Variants in SYAP1 observed in about 807,000 individuals in gnomAD.
SYAP1 encodes synapse-associated protein 1.
SYAP1 carries 3 observed loss-of-function variants against 29.6 expected under a neutral mutation model. The observed-to-expected ratio is 0.10, with a 90% CI of 0.05 to 0.26. The LOEUF (loss-of-function observed/expected upper bound fraction) is 0.26. Among genes scored for constraint, SYAP1 ranks in the 10% least tolerant of loss-of-function variants. SYAP1 has a pLI of 1.00. For synonymous variants in SYAP1, 102 were observed against 102.7 expected (o/e 0.99, Z 0.04); for missense variants, 217 against 264.1 (o/e 0.82, Z 1.24).
intron 3 of SYAP1, among the ~76,000 whole-genome samples, chrX:16,737,846 G>A (rs771643368): frequency 1.8e-5 from 2 of 112,187 alleles, no homozygotes; most frequent in African/African-American, 3.2e-5. Context: ...CAGAAAGTTC[G>A]TTTGCTCAGT....
chrX:16,745,528 C>G (rs1411874933), intron 5 of SYAP1, among the ~76,000 whole-genome samples: 1 of 110,228 alleles, frequency 9.1e-6, no homozygotes, highest in Non-Finnish European at 1.9e-5. Flanking sequence ...TTGTCTGAGA[C>G]CAGCCTGGGC....
In SYAP1 at chrX:16,763,866, A is replaced by T. The variant is rs1259651313; in HGVS notation, c.*3507A>T. 1.1e-5 allele frequency: 1 copy of T among 94,880 alleles called. No homozygotes were observed. The highest frequency in any genetic ancestry group is 2.0e-5 in the Non-Finnish European group (1 of 49,455). 7.8% of individuals were successfully genotyped at this position (94,880 alleles called of 1,213,427 possible). A position where few individuals can be genotyped will look rare whatever the true frequency, so the allele number is the denominator to read the frequency against. ...TTGCAGTATTTTATTTGCCTCTTTG[A>T]CGGCTTTTTTTTTTTTTTTTTTTTT... On this transcript the variant is annotated 3_prime_UTR_variant, in exon 9 of 9. Coordinates refer to ENST00000380155, the MANE Select transcript of SYAP1 (RefSeq NM_032796.4).
In SYAP1 at chrX:16,757,287, A is replaced by G; in HGVS notation, c.909A>G (p.Gln303=). 1 of 1,210,516 alleles carries G rather than the reference A, an allele frequency of 8.3e-7. No individual in the cohort carries two copies. The highest frequency in any genetic ancestry group is 1.7e-5 in the African/African-American group (1 of 57,758). ...AGCAACTAGTGCTTGACAAAAAGCA[A>G]GAGGAGACAGCCGTACTGGAAGGTA... The part of the protein sequence containing the change: ...EMEQLVLDKK[Q]EETAVLEEDS... Residue 303 remains glutamine (Q), a synonymous_variant, in exon 8 of 9, where the codon CAA becomes CAG. Coordinates refer to ENST00000380155, the MANE Select transcript of SYAP1 (RefSeq NM_032796.4).
chrX:16,743,983 G>T, intron 5 of SYAP1, 143 bp downstream of exon 5: 2 of 633,022 alleles, frequency 3.2e-6, no homozygotes, highest in Admixed American at 6.6e-5. Context: ...CCTGGTCAGG[G>T]CACTCTGGAA....
chrX:16,731,008 T>C (rs1239987830), intron 1 of SYAP1, among the ~76,000 whole-genome samples: 1 of 112,433 alleles, frequency 8.9e-6, no homozygotes, highest in Non-Finnish European at 1.9e-5. Flanking sequence ...TGCTTACATT[T>C]TGAAGATATT....
In SYAP1 at chrX:16,764,329, T is replaced by A. The variant is rs952724117; in HGVS notation, c.*3970T>A. ...TTAGGAAAATTAGGCACATTTAATT[T>A]TAGCAAATTTAGTTTTTCAACTTTT... On this transcript the variant is annotated 3_prime_UTR_variant, in exon 9 of 9. Coordinates refer to ENST00000380155, the MANE Select transcript of SYAP1 (RefSeq NM_032796.4). 13 of 110,331 alleles carry A rather than the reference T, an allele frequency of 1.2e-4. No homozygotes were observed. The highest frequency in any genetic ancestry group is 1.1e-3 in the Admixed American group (11 of 10,158). The allele number at this position is 110,331 out of a possible 1,213,427, so 9.1% of individuals were successfully genotyped here. A position where few individuals can be genotyped will look rare whatever the true frequency, so the allele number is the denominator to read the frequency against.
At chrX:16,738,104 A>G (rs1481053247) in intron 3 of SYAP1, among the ~76,000 whole-genome samples, 1 of 111,547 alleles carries the variant, frequency 9.0e-6, no homozygotes, top group Non-Finnish European at 1.9e-5. Flanking sequence ...CATTTTATAT[A>G]TAACATCTCA....
chrX:16,751,852 T>A, intron 5 of SYAP1, among the ~76,000 whole-genome samples: 1 of 107,218 alleles, frequency 9.3e-6, no homozygotes, highest in Non-Finnish European at 1.9e-5. Flanking sequence ...ATTTTTGTAT[T>A]TTTCATAGAG....
chrX:16,747,239 C>T (rs1464869347), intron 5 of SYAP1, among the ~76,000 whole-genome samples: 3 of 111,855 alleles, frequency 2.7e-5, no homozygotes, highest in Admixed American at 1.9e-4. Context: ...GAGAGCCACC[C>T]ACGCTCCTGG....
At chrX:16,738,450 A>G in intron 3 of SYAP1, among the ~76,000 whole-genome samples, 1 of 111,477 alleles carries the variant, frequency 9.0e-6, no homozygotes, top group Non-Finnish European at 1.9e-5. Context: ...CAGCAAGGGT[A>G]AGTAATTTGC....
At position 16,743,468 on chromosome X, in the gene SYAP1, T is replaced by A. The variant is rs912842098; in HGVS notation, c.436-233T>A. 2.7e-5 allele frequency among the ~76,000 whole-genome samples: 3 copies of A among 109,330 alleles called. No individual in the cohort carries two copies. In the Admixed American group the frequency reaches 3.0e-4, roughly 11 times the overall value. The allele number at this position is 109,330 out of a possible 115,157, so 94.9% of individuals were successfully genotyped here. ...GGCCAAGATAGTGAAACCCCATCTC[T>A]ACTAAAAATACAAAAATTAGCCAGG... On this transcript the variant is annotated intron_variant, in intron 4 of 8. Transcript: ENST00000380155.
chrX:16,760,418 A>C lies in SYAP1; in HGVS notation c.*59A>C. The C allele has an allele frequency of 9.9e-7, 1 of 1,006,014 alleles. No individual in the cohort carries two copies. The highest frequency in any genetic ancestry group is 2.9e-5 in the South Asian group (1 of 34,354). The allele number at this position is 1,006,014 out of a possible 1,213,427, so 82.9% of individuals were successfully genotyped here. A position where few individuals can be genotyped will look rare whatever the true frequency, so the allele number is the denominator to read the frequency against. On this transcript the variant is annotated 3_prime_UTR_variant, in exon 9 of 9. Coordinates refer to ENST00000380155, the MANE Select transcript of SYAP1 (RefSeq NM_032796.4). ...TCTGCAAACTGACATTAAATTCTAG[A>C]TGTTGACAATTACTGAATCAGAAGG... is the stretch of plus-strand genomic sequence containing the variant.
chrX:16,742,488 A>G (rs1007367707), intron 4 of SYAP1, among the ~76,000 whole-genome samples: 2 of 111,492 alleles, frequency 1.8e-5, no homozygotes, highest in Non-Finnish European at 3.8e-5. Flanking sequence ...GGGTTTCACC[A>G]TGTTGGCCAG....
intron 8 of SYAP1, among the ~76,000 whole-genome samples, chrX:16,759,346 C>T (rs1926930518): frequency 9.2e-6 from 1 of 108,936 alleles, no homozygotes. Flanking sequence ...GCCTGGGCAA[C>T]AGAGTGAGAC....
At chrX:16,754,690 T>G (rs1168959277) in intron 5 of SYAP1, among the ~76,000 whole-genome samples, 1 of 109,655 alleles carries the variant, frequency 9.1e-6, no homozygotes, top group Non-Finnish European at 1.9e-5. Flanking sequence ...ATCACACCAC[T>G]GCACTCCAAC....
At chrX:16,727,870 A>G (rs867956666) in intron 1 of SYAP1, among the ~76,000 whole-genome samples, 2 of 112,175 alleles carry the variant, frequency 1.8e-5, no homozygotes, top group Non-Finnish European at 3.8e-5. Flanking sequence ...GTCAAGTTTG[A>G]TTCATTAAAG....
In SYAP1 at chrX:16,727,594, C is replaced by T. The variant is rs757862000; in HGVS notation, c.176-7633C>T. ...CTGACCTCAGGTGATCCACCCACCT[C>T]GGCCTCCCGAAGTGCTGGGATTACA... On this transcript the variant is annotated intron_variant, in intron 1 of 8. Coordinates refer to ENST00000380155, the MANE Select transcript of SYAP1 (RefSeq NM_032796.4). 1.9e-4 allele frequency among the ~76,000 whole-genome samples: 21 copies of T among 112,452 alleles called. No homozygotes were observed. In the East Asian group the frequency reaches 5.0e-3, roughly 27 times the overall value.
chrX:16,748,777 CAG>C (rs1356002968), intron 5 of SYAP1, among the ~76,000 whole-genome samples: 126 of 102,136 alleles, frequency 1.2e-3, no homozygotes, highest in Non-Finnish European at 2.1e-3. Context: ...TTTTTTGAGA[CAG>C]AGTCTCGCTC....
intron 1 of SYAP1, among the ~76,000 whole-genome samples, chrX:16,724,346 A>C (rs1926037299): frequency 1.8e-5 from 2 of 111,482 alleles, no homozygotes; most frequent in Non-Finnish European, 1.9e-5. Flanking sequence ...CCTACCACAT[A>C]TCCAAATTCC....
Sources: allele counts gnomAD v4.1 joint callset (sites outside exome capture counted in the v4.1 genomes callset), GRCh38; gene constraint gnomAD v4.1.1; transcripts MANE v1.5; gene names NCBI Gene and HGNC (gene_info 2026-07-23, HGNC 2026-07-21).